Variants in SLC12A2 observed in about 807,000 individuals in gnomAD.
SLC12A2 encodes the protein Na-K-2Cl cotransporter 1.
Under a neutral mutation model 136.3 loss-of-function variants are expected in SLC12A2, and 67 were observed. That is an observed-to-expected ratio of 0.49 (90% CI 0.40 to 0.60). The LOEUF (loss-of-function observed/expected upper bound fraction) is 0.60, where lower values mean the gene tolerates loss of function less well. Ranked by LOEUF, SLC12A2 falls within the 20% of genes least tolerant of loss-of-function variation. The pLI is 0.00. For missense variants in SLC12A2, 1,322 were observed against 1,534.7 expected, an observed-to-expected ratio of 0.86 and a Z score of 2.32; for synonymous variants, 619 against 562.9, an observed-to-expected ratio of 1.10 and a Z score of -1.41.
At position 128,083,805 on chromosome 5, in the gene SLC12A2, C is replaced by A; in HGVS notation, c.-150C>A. 1.8e-6 allele frequency: 1 copy of A among 551,358 alleles called. No individual in the cohort carries two copies. Among genetic ancestry groups the A allele is most frequent in the Non-Finnish European group, 2.7e-6 (1 of 374,084 alleles). The allele number at this position is 551,358 out of a possible 1,614,324, so 34.2% of individuals were successfully genotyped here. A position where few individuals can be genotyped will look rare whatever the true frequency, so the allele number is the denominator to read the frequency against. On this transcript the variant is annotated 5_prime_UTR_variant, in exon 1 of 27. Transcript: ENST00000262461. ...GCTCGGCTGCCGGTGGCCTCTGTGG[C>A]CGTCCAGGCTAGCGGCGGCCCGCAG...
intron 19 of SLC12A2, among the ~76,000 whole-genome samples, chr5:128,173,655 G>A (rs1284213595): frequency 6.6e-6 from 1 of 152,098 alleles, no homozygotes; most frequent in African/African-American, 2.4e-5. Context: ...TTCCTTATCT[G>A]TTAAAATGTA....
chr5:128,130,684 CAA>C (rs1278588481), intron 4 of SLC12A2, among the ~76,000 whole-genome samples: 1 of 141,700 alleles, frequency 7.1e-6, no homozygotes, highest in African/African-American at 2.6e-5. Flanking sequence ...TTTCTGAAAA[CAA>C]AAAAAAAAGC....
At chr5:128,106,781 TAAACA>T (rs1760954043) in intron 1 of SLC12A2, among the ~76,000 whole-genome samples, 1 of 152,180 alleles carries the variant, frequency 6.6e-6, no homozygotes, top group African/African-American at 2.4e-5. Flanking sequence ...GGAATTCTGA[TAAACA>T]CCCACAGCAA....
intron 12 of SLC12A2, among the ~76,000 whole-genome samples, chr5:128,149,251 T>C (rs1762621800): frequency 6.6e-6 from 1 of 151,788 alleles, no homozygotes; most frequent in African/African-American, 2.4e-5. Flanking sequence ...ATTGGACTTT[T>C]TAAGGTTTAA....
At position 128,161,711 on chromosome 5, in the gene SLC12A2, C is replaced by T; in HGVS notation, c.2527C>T (p.Gln843Ter). 1 of 1,530,212 alleles carries T rather than the reference C, an allele frequency of 6.5e-7. No individual in the cohort carries two copies. Among genetic ancestry groups the T allele is most frequent in the Non-Finnish European group, 8.8e-7 (1 of 1,140,466 alleles). The allele number at this position is 1,530,212 out of a possible 1,614,324, so 94.8% of individuals were successfully genotyped here. Residue 843 changes from glutamine (Q) to a stop codon, truncating the protein, a stop_gained, in exon 17 of 27, where the codon CAG (glutamine) becomes TAG (stop). Coordinates refer to ENST00000262461, the MANE Select transcript of SLC12A2 (RefSeq NM_001046.3). LOFTEE classifies it high-confidence loss of function. ...GATGTCCATCGATCAAGCCAAATAT[C>T]AGCGATGGCTTATTAAGAACAAAAT... Reference protein sequence around the residue: ...KEMSIDQAKYQRWLIKNKMKA... With the variant: ...KEMSIDQAKY
At chr5:128,167,560 T>C (rs910135919) in intron 17 of SLC12A2, among the ~76,000 whole-genome samples, 3 of 152,142 alleles carry the variant, frequency 2.0e-5, no homozygotes, top group African/African-American at 7.2e-5. Flanking sequence ...TTTTAAATTA[T>C]ATTTTTGTGT....
chr5:128,141,171 T>C (rs1239043357), intron 9 of SLC12A2, among the ~76,000 whole-genome samples: 9 of 152,170 alleles, frequency 5.9e-5, no homozygotes, highest in Admixed American at 1.3e-4. Context: ...AGGGAGGATT[T>C]TCAAATTAGC....
chr5:128,109,647 A>G (rs1000280186), intron 1 of SLC12A2: 14 of 804,776 alleles, frequency 1.7e-5, no homozygotes, highest in Admixed American at 1.0e-4. Flanking sequence ...CAGACAGTGG[A>G]TACATCAGGG....
Position 128,131,207 on chromosome 5 carries a change from G to A in SLC12A2, c.1188+1G>A. ...AGAAACCGTGGTGGAGTTGCTTAAG[G>A]TAATTCACCTTCCTTCTAGTCATTC... On this transcript the variant is annotated splice_donor_variant, in intron 5 of 26. Coordinates refer to ENST00000262461, the MANE Select transcript of SLC12A2 (RefSeq NM_001046.3). LOFTEE classifies it high-confidence loss of function. 6.2e-7 allele frequency: 1 copy of A among 1,613,874 alleles called. No homozygotes were observed.
At chr5:128,181,829 C>G (rs949439396) in intron 23 of SLC12A2, among the ~76,000 whole-genome samples, 2 of 151,958 alleles carry the variant, frequency 1.3e-5, no homozygotes, top group African/African-American at 4.8e-5. Flanking sequence ...CCTCTCATCT[C>G]TCTCCTGTAA....
chr5:128,119,685 C>G (rs1482297276), intron 4 of SLC12A2, among the ~76,000 whole-genome samples: 1 of 152,114 alleles, frequency 6.6e-6, no homozygotes, highest in African/African-American at 2.4e-5. Context: ...TTTTGGCTTC[C>G]TTACACCTTA....
intron 10 of SLC12A2, among the ~76,000 whole-genome samples, chr5:128,146,252 T>C (rs1236562158): frequency 6.6e-6 from 1 of 151,894 alleles, no homozygotes; most frequent in Non-Finnish European, 1.5e-5. Context: ...TAAACACTGA[T>C]GAAATACTGT....
chr5:128,113,810 TGAA>T (rs1459910403), intron 2 of SLC12A2, among the ~76,000 whole-genome samples: 1 of 152,196 alleles, frequency 6.6e-6, no homozygotes, highest in South Asian at 2.1e-4. Flanking sequence ...TTAAATCTGC[TGAA>T]GAAATCATGA....
At chr5:128,161,871 T>A in intron 17 of SLC12A2, 71 bp downstream of exon 17, 1 of 1,054,526 alleles carries the variant, frequency 9.5e-7, no homozygotes, top group Non-Finnish European at 1.3e-6. Flanking sequence ...TTTTTAATTC[T>A]AGATTTCATT....
intron 4 of SLC12A2, among the ~76,000 whole-genome samples, chr5:128,122,925 A>G (rs927500643): frequency 6.6e-6 from 1 of 152,100 alleles, no homozygotes; most frequent in Non-Finnish European, 1.5e-5. Flanking sequence ...GCTGTAAAAC[A>G]CAGTTGTATT....
In SLC12A2 at chr5:128,084,446, C is replaced by T. The variant is rs528719144; in HGVS notation, c.492C>T (p.Val164=). 2 of 1,612,676 alleles carry T rather than the reference C, an allele frequency of 1.2e-6. No homozygotes were observed. The highest frequency in any genetic ancestry group is 2.7e-5 in the African/African-American group (2 of 74,998). ...TGTCAGATGCTGCCGGGGTCGGAGT[C>T]GACGGGCCCAACGTGAGCTTCCAGA... ...DSLSDAAGVG[V]DGPNVSFQNG... is the part of the protein sequence containing the mutation. Residue 164 remains valine, a synonymous_variant, in exon 1 of 27, where the codon GTC becomes GTT. Transcript: ENST00000262461. This position sits in a 1 kb window ranked among gnomAD's most constrained non-coding sequence, Gnocchi z 5.6.
chr5:128,140,818 A>G (rs549409754), intron 9 of SLC12A2, among the ~76,000 whole-genome samples: 1 of 152,072 alleles, frequency 6.6e-6, no homozygotes, highest in East Asian at 1.9e-4. Flanking sequence ...CAGTTGTTTC[A>G]GAGGTACCTT....
intron 19 of SLC12A2, chr5:128,171,997 A>G (rs1561702518): frequency 3.3e-6 from 1 of 303,872 alleles, no homozygotes; most frequent in East Asian, 5.9e-5. Flanking sequence ...CTTAAGAGAA[A>G]CAGACATTAG....
At position 128,147,908 on chromosome 5, in the gene SLC12A2, G is replaced by GTTTA. The variant is rs111466483; in HGVS notation, c.1881+181_1881+184dup. On this transcript the variant is annotated intron_variant, in intron 11 of 26. Transcript: ENST00000262461. ...TTTATATGTGTGAATGAATGTGAAT[G>GTTTA]TTTATATAAATATTTGTGCATTTGC... 0.34 allele frequency among the ~76,000 whole-genome samples: 51,624 copies of GTTTA among 150,926 alleles called. 11,289 individuals are homozygous for GTTTA. Among genetic ancestry groups the GTTTA allele is most frequent in the African/African-American group, 0.62 (25,585 of 41,126 alleles).
Sources: gnomAD v4.1 joint callset for allele counts (sites outside exome capture counted in the v4.1 genomes callset) on GRCh38, gnomAD v4.1.1 for gene constraint, Gnocchi (gnomAD v3.1) non-coding constraint, MANE v1.5 for transcripts, NCBI Gene and HGNC (gene_info 2026-07-23, HGNC 2026-07-21) for gene names.